Variants in EYS observed in about 807,000 individuals in gnomAD.
EYS encodes protein eyes shut homolog.
Under a neutral mutation model 282.1 loss-of-function variants are expected in EYS, and 250 were observed. The ratio of observed to expected loss-of-function variants is 0.89; its 90% CI spans 0.80 to 0.98. EYS has a LOEUF of 0.98. Among genes scored for constraint, EYS ranks in the 50% least tolerant of loss-of-function variants. The pLI, the probability that EYS is intolerant of heterozygous loss-of-function variation, is 0.00. For synonymous variants in EYS, 1,355 were observed against 1,282.9 expected, an observed-to-expected ratio of 1.06 and a Z score of -1.20; for missense variants, 4,016 against 3,709.0, an observed-to-expected ratio of 1.08 and a Z score of -2.15.
At chr6:63,758,115 C>CAACA (rs1025031359) in intron 41 of EYS, among the ~76,000 whole-genome samples, 1 of 152,068 alleles carries the variant, frequency 6.6e-6, no homozygotes, top group Non-Finnish European at 1.5e-5. Context: ...GTTGCCCAGG[C>CAACA]TGGTCTAGAA....
chr6:64,033,787 C>T (rs1355676522), intron 33 of EYS, among the ~76,000 whole-genome samples: 1 of 151,676 alleles, frequency 6.6e-6, no homozygotes, highest in Non-Finnish European at 1.5e-5. Context: ...TGTATACATA[C>T]ATTCAATTGT....
intron 31 of EYS, among the ~76,000 whole-genome samples, chr6:64,106,203 T>G (rs1232848987): frequency 1.3e-5 from 2 of 152,098 alleles, no homozygotes; most frequent in Admixed American, 6.6e-5. Flanking sequence ...CTTTCATTTC[T>G]TAGTATATCA....
chr6:64,996,025 T>C (rs987101323), intron 14 of EYS, among the ~76,000 whole-genome samples: 1 of 152,162 alleles, frequency 6.6e-6, no homozygotes, highest in Non-Finnish European at 1.5e-5. Flanking sequence ...CTGAAGTTAC[T>C]GCCAAAATCA....
At chr6:64,692,185 A>G (rs993341213) in intron 22 of EYS, among the ~76,000 whole-genome samples, 8 of 152,146 alleles carry the variant, frequency 5.3e-5, no homozygotes, top group African/African-American at 1.9e-4. Flanking sequence ...CATTTTAATA[A>G]TAGCCATTCT....
At chr6:64,070,233 G>T (rs1049499035) in intron 32 of EYS, among the ~76,000 whole-genome samples, 1 of 152,004 alleles carries the variant, frequency 6.6e-6, no homozygotes, top group Non-Finnish European at 1.5e-5. Flanking sequence ...GGTCTTTCTT[G>T]CACTTTGAAT....
At chr6:64,671,413 T>G (rs1769458856) in intron 22 of EYS, among the ~76,000 whole-genome samples, 1 of 152,156 alleles carries the variant, frequency 6.6e-6, no homozygotes, top group African/African-American at 2.4e-5. Context: ...CACCAGACCC[T>G]GAGTCTGTTG....
At chr6:64,391,441 A>G (rs1773136486) in intron 28 of EYS, among the ~76,000 whole-genome samples, 1 of 152,164 alleles carries the variant, frequency 6.6e-6, no homozygotes, top group South Asian at 2.1e-4. Context: ...CAGAAACCCT[A>G]CAAGCCAGAA....
chr6:65,368,765 T>C (rs1399374356), intron 8 of EYS, among the ~76,000 whole-genome samples: 1 of 151,694 alleles, frequency 6.6e-6, no homozygotes, highest in African/African-American at 2.4e-5. Flanking sequence ...TTTCAAGTAG[T>C]ACTTTAAGCA....
intron 26 of EYS, among the ~76,000 whole-genome samples, chr6:64,484,567 A>G (rs570316786): frequency 2.8e-4 from 43 of 151,718 alleles, no homozygotes; most frequent in African/African-American, 1.0e-3. Flanking sequence ...AACATATGAT[A>G]TAGGAAAAGG....
intron 12 of EYS, among the ~76,000 whole-genome samples, chr6:65,240,233 G>T (rs983532394): frequency 9.9e-5 from 15 of 152,086 alleles, no homozygotes; most frequent in African/African-American, 3.6e-4. Context: ...CTCCCAAAGT[G>T]CTGGGATTAC....
At chr6:64,587,145 C>T (rs902319545) in intron 26 of EYS, among the ~76,000 whole-genome samples, 7 of 152,054 alleles carry the variant, frequency 4.6e-5, no homozygotes, top group Non-Finnish European at 8.8e-5. Flanking sequence ...GGTGGCTCCA[C>T]GATGCCTCAC....
intron 33 of EYS, among the ~76,000 whole-genome samples, chr6:64,024,584 CAATG>C (rs1647328882): frequency 6.6e-6 from 1 of 152,102 alleles, no homozygotes; most frequent in Non-Finnish European, 1.5e-5. Context: ...TCACTCTTTG[CAATG>C]AATCTTGCTG....
intron 41 of EYS, chr6:63,744,946 C>G (rs1226974810): frequency 4.8e-6 from 2 of 415,886 alleles, no homozygotes; most frequent in African/African-American, 2.1e-5. Flanking sequence ...CATGATTTAC[C>G]TCATCTCCAT....
At chr6:63,873,078 G>A (rs1772856481) in intron 35 of EYS, among the ~76,000 whole-genome samples, 1 of 152,022 alleles carries the variant, frequency 6.6e-6, no homozygotes, top group African/African-American at 2.4e-5. Flanking sequence ...ATGTATGCAT[G>A]TGCCATGTTG....
At chr6:63,784,378 G>GA (rs1405415478) in intron 39 of EYS, among the ~76,000 whole-genome samples, 1 of 152,108 alleles carries the variant, frequency 6.6e-6, no homozygotes, top group African/African-American at 2.4e-5. Context: ...GTTAAGTATA[G>GA]AAAAAATACA....
At chr6:65,220,526 T>C (rs1293719561) in intron 12 of EYS, among the ~76,000 whole-genome samples, 1 of 152,174 alleles carries the variant, frequency 6.6e-6, no homozygotes, top group Non-Finnish European at 1.5e-5. Context: ...TCCACCATGA[T>C]TGTGAGGTCT....
At chr6:65,436,636 G>A (rs1768085618) in intron 5 of EYS, among the ~76,000 whole-genome samples, 1 of 152,058 alleles carries the variant, frequency 6.6e-6, no homozygotes, top group Non-Finnish European at 1.5e-5. Flanking sequence ...GTTCTATATT[G>A]TAAATCAACA....
At chr6:65,523,288 A>G (rs1052127084) in intron 2 of EYS, among the ~76,000 whole-genome samples, 4 of 152,220 alleles carry the variant, frequency 2.6e-5, no homozygotes, top group Non-Finnish European at 5.9e-5. Flanking sequence ...TTAAAAAAAT[A>G]AATTGTGATA....
intron 26 of EYS, among the ~76,000 whole-genome samples, chr6:64,549,578 C>T (rs563343013): frequency 6.6e-6 from 1 of 152,118 alleles, no homozygotes; most frequent in Non-Finnish European, 1.5e-5. Context: ...CTCCTGCCCA[C>T]TCATAAATTT....
Sources: gnomAD v4.1 joint callset for allele counts (sites outside exome capture counted in the v4.1 genomes callset) on GRCh38, gnomAD v4.1.1 for gene constraint, MANE v1.5 for transcripts, NCBI Gene and HGNC (gene_info 2026-07-23, HGNC 2026-07-21) for gene names.